SLC35D1: variants seen among roughly 807,000 people sequenced by gnomAD.
SLC35D1 encodes nucleotide sugar transporter SLC35D1.
Under a neutral mutation model 46.7 loss-of-function variants are expected in SLC35D1, and 31 were observed. The ratio of observed to expected loss-of-function variants is 0.66; its 90% CI spans 0.50 to 0.90. SLC35D1 has a LOEUF of 0.90. Ranked by LOEUF, SLC35D1 falls within the 40% of genes least tolerant of loss-of-function variation. The pLI, the probability that SLC35D1 is intolerant of heterozygous loss-of-function variation, is 0.00. For synonymous variants in SLC35D1, 195 were observed against 164.6 expected (o/e 1.18, Z -1.41); for missense variants, 397 against 426.2 (o/e 0.93, Z 0.60).
At chr1:66,975,219 CTG>C in the SLC35D1 span, among the ~76,000 whole-genome samples, 1 of 152,128 alleles carries the variant, frequency 6.6e-6, no homozygotes, top group Non-Finnish European at 1.5e-5. Flanking sequence ...CATACAGACA[CTG>C]GATTTCCTTT....
At chr1:66,990,937 TACTC>T in the SLC35D1 span, among the ~76,000 whole-genome samples, 1 of 152,184 alleles carries the variant, frequency 6.6e-6, no homozygotes, top group African/African-American at 2.4e-5. Context: ...CCTCTTCCCT[TACTC>T]ACTGAACATA....
At chr1:67,043,879 G>A (rs1163097874) in intron 7 of SLC35D1, among the ~76,000 whole-genome samples, 1 of 152,150 alleles carries the variant, frequency 6.6e-6, no homozygotes, top group Non-Finnish European at 1.5e-5. Context: ...TGCAGGCCAG[G>A]GTTTGAGAGG....
chr1:67,052,876 A>T lies in SLC35D1; in HGVS notation c.238-19T>A, dbSNP rs1645325135. ...CCACCATCTGTAAACAAGAGAACAC[A>T]GATTCACTGTTCTACACATAAAGAC... On this transcript the variant is annotated intron_variant, in intron 2 of 11. Coordinates refer to ENST00000235345, the MANE Select transcript of SLC35D1 (RefSeq NM_015139.3). 3.7e-6 allele frequency: 6 copies of T among 1,613,962 alleles called. No individual in the cohort carries two copies. The East Asian group carries it at 1.3e-4, about 36-fold the overall frequency.
chr1:67,017,720 A>T (rs1667714371), intron 10 of SLC35D1, among the ~76,000 whole-genome samples: 1 of 152,206 alleles, frequency 6.6e-6, no homozygotes, highest in Non-Finnish European at 1.5e-5. Flanking sequence ...TGTTTCCACA[A>T]AAACATCTCT....
At chr1:67,042,881 T>C (rs113473453) in intron 7 of SLC35D1, among the ~76,000 whole-genome samples, 5,157 of 152,094 alleles carry the variant, frequency 0.034, 290 homozygotes, top group African/African-American at 0.12. Context: ...ATGGGCAACA[T>C]GGTGAAACAC....
chr1:67,022,764 T>A (rs180925968), intron 8 of SLC35D1, among the ~76,000 whole-genome samples: 34 of 152,318 alleles, frequency 2.2e-4, no homozygotes, highest in African/African-American at 8.2e-4. Context: ...AAATGTATAA[T>A]CATGTAACCA....
intron 8 of SLC35D1, among the ~76,000 whole-genome samples, chr1:67,030,820 C>A (rs547262934): frequency 2.4e-3 from 361 of 152,286 alleles, no homozygotes; most frequent in African/African-American, 8.3e-3. Flanking sequence ...AATCAAGCAG[C>A]AAATGATTAA....
chr1:66,999,613 TAAA>T lies in SLC35D1; in HGVS notation c.*4724_*4726del, dbSNP rs1667288976. ...AAACATTTGTGAAAAAAATAATCTC[TAAA>T]AACATTTTTGTGAGACAATAAATCT... On this transcript the variant is annotated 3_prime_UTR_variant, in exon 12 of 12. Coordinates refer to ENST00000235345, the MANE Select transcript of SLC35D1 (RefSeq NM_015139.3). The T allele has an allele frequency of 1.3e-5, 2 of 152,032 alleles. No homozygotes were observed. Among genetic ancestry groups the T allele is most frequent in the African/African-American group, 4.8e-5 (2 of 41,348 alleles). 9.4% of individuals were successfully genotyped at this position (152,032 alleles called of 1,614,324 possible).
chr1:66,994,962 A>G (rs1315665462), downstream of SLC35D1, among the ~76,000 whole-genome samples: 2 of 151,780 alleles, frequency 1.3e-5, no homozygotes, highest in Non-Finnish European at 2.9e-5. Context: ...AAAAAAAGAG[A>G]AACAGTCTTA....
At chr1:67,035,477 C>A (rs1186826203) in intron 8 of SLC35D1, among the ~76,000 whole-genome samples, 1 of 152,124 alleles carries the variant, frequency 6.6e-6, no homozygotes, top group East Asian at 1.9e-4. Flanking sequence ...AATCTATTGG[C>A]ACACAGTTGC....
intron 7 of SLC35D1, 126 bp from the exon 8 acceptor site, chr1:67,042,454 G>A: frequency 1.2e-6 from 1 of 826,114 alleles, no homozygotes; most frequent in Admixed American, 1.8e-5. Flanking sequence ...AACATACACA[G>A]CAAATGAATT....
the SLC35D1 span, among the ~76,000 whole-genome samples, chr1:66,977,345 A>C: frequency 1.3e-5 from 2 of 152,060 alleles, no homozygotes; most frequent in Admixed American, 6.6e-5. Context: ...CCTGACCTCA[A>C]ATGATCCACC....
At position 67,050,507 on chromosome 1, in the gene SLC35D1, G is replaced by GGAAAAAAAAAAGATAATTAGGTAAAAT; in HGVS notation, c.393-30_393-4dup. The GGAAAAAAAAAAGATAATTAGGTAAAAT allele has an allele frequency of 6.3e-7, 1 of 1,579,584 alleles. No individual in the cohort carries two copies. Among genetic ancestry groups the GGAAAAAAAAAAGATAATTAGGTAAAAT allele is most frequent in the East Asian group, 2.2e-5 (1 of 44,716 alleles). Reference sequence around the variant, plus strand: ...TCAGAACTGTAAACATTGGCAAGCTGGAAAAAAAAAAGATAATTAGGTAAA... The same window carrying GGAAAAAAAAAAGATAATTAGGTAAAAT: ...TCAGAACTGTAAACATTGGCAAGCTGGAAAAAAAAAAGATAATTAGGTAAAATGAAAAAAAAAAGATAATTAGGTAAA... On this transcript the variant is annotated splice_polypyrimidine_tract_variant and splice_region_variant and intron_variant, in intron 4 of 11. Coordinates refer to ENST00000235345, the MANE Select transcript of SLC35D1 (RefSeq NM_015139.3).
intron 8 of SLC35D1, among the ~76,000 whole-genome samples, chr1:67,036,239 C>T (rs1386162056): frequency 2.0e-5 from 3 of 152,076 alleles, no homozygotes; most frequent in African/African-American, 4.8e-5. Context: ...TCTTTGTTGA[C>T]TTTCTGTCTG....
the SLC35D1 span, among the ~76,000 whole-genome samples, chr1:66,992,313 A>G: frequency 2.0e-5 from 3 of 152,166 alleles, no homozygotes; most frequent in African/African-American, 4.8e-5. Context: ...TACTTTCTAC[A>G]TAACTGGCAG....
At chr1:67,018,842 G>A (rs140059861) in intron 10 of SLC35D1, among the ~76,000 whole-genome samples, 2 of 152,296 alleles carry the variant, frequency 1.3e-5, no homozygotes, top group Non-Finnish European at 1.5e-5. Context: ...GTGAGACTTC[G>A]ACCCTGCAAG....
the SLC35D1 span, chr1:66,987,652 A>G: frequency 9.8e-5 from 15 of 152,712 alleles, no homozygotes; most frequent in Admixed American, 2.0e-4. Context: ...TTATTAAAAT[A>G]TTTTTTTAAA....
intron 5 of SLC35D1, 36 bp from the exon 6 acceptor site, chr1:67,049,886 T>G: frequency 6.9e-7 from 1 of 1,451,610 alleles, no homozygotes; most frequent in Non-Finnish European, 9.7e-7. Flanking sequence ...CACACATGAC[T>G]TTATTCCCAC....
the SLC35D1 span, among the ~76,000 whole-genome samples, chr1:66,982,438 A>C: frequency 6.6e-6 from 1 of 152,214 alleles, no homozygotes; most frequent in Non-Finnish European, 1.5e-5. Context: ...TCCAAGAAAA[A>C]GAGAAGAAAA....
Sources: allele counts gnomAD v4.1 joint callset (sites outside exome capture counted in the v4.1 genomes callset), GRCh38; gene constraint gnomAD v4.1.1; transcripts MANE v1.5; gene names NCBI Gene and HGNC (gene_info 2026-07-23, HGNC 2026-07-21).